Variants in CPSF4 observed in about 807,000 individuals in gnomAD.
CPSF4 encodes the protein cleavage and polyadenylation specific factor 4.
In CPSF4, 11 loss-of-function variants were observed where a neutral mutation model predicts 37.7. The observed-to-expected ratio is 0.29, with a 90% CI of 0.18 to 0.48. The LOEUF (loss-of-function observed/expected upper bound fraction) is 0.48, where lower values mean the gene tolerates loss of function less well. Among genes scored for constraint, CPSF4 ranks in the 20% least tolerant of loss-of-function variants. The pLI is 0.99. For missense variants in CPSF4, 144 were observed against 359.5 expected (o/e 0.40, Z 4.85); for synonymous variants, 132 against 135.9 (o/e 0.97, Z 0.20).
intron 1 of CPSF4, chr7:99,441,449 G>A (rs1327855852): frequency 2.2e-6 from 1 of 456,320 alleles, no homozygotes; most frequent in Non-Finnish European, 4.4e-6. Flanking sequence ...GGGCTTCAGA[G>A]TCGGTAGGCA....
At chr7:99,449,221 GCATCCCAT>G (rs1797769137) in intron 3 of CPSF4, 1 of 152,288 alleles carries the variant, frequency 6.6e-6, no homozygotes, top group Non-Finnish European at 1.5e-5. Context: ...AATTATTTCA[GCATCCCAT>G]CAGGCGTGGC....
At chr7:99,440,674 A>ATATATATATATATATATATATATATATT in intron 1 of CPSF4, among the ~76,000 whole-genome samples, 1 of 88,088 alleles carries the variant, frequency 1.1e-5, no homozygotes, top group African/African-American at 9.7e-5. Context: ...ATATATATAT[A>ATATATATATATATATATATATATATATT]TTTTTTTTTT....
At chr7:99,447,063 T>C (rs1191228250) in intron 2 of CPSF4, among the ~76,000 whole-genome samples, 2 of 151,652 alleles carry the variant, frequency 1.3e-5, no homozygotes, top group African/African-American at 4.9e-5. Context: ...ACTACTGCGA[T>C]TGCAGGTGTG....
In CPSF4 at chr7:99,448,410, C is replaced by G; in HGVS notation, c.307+137C>G. ...AGAGGAGAACTCTGGCAGAACCTGC[C>G]AGCCTCAGCCAGCTTTTAGGGGACA... On this transcript the variant is annotated intron_variant, in intron 3 of 7. Transcript: ENST00000292476. The surrounding 1 kb of genome is among the most constrained non-coding windows in gnomAD (Gnocchi z 4.4). 2 of 855,066 alleles carry G rather than the reference C, an allele frequency of 2.3e-6. No homozygotes were observed. Among genetic ancestry groups the G allele is most frequent in the Middle Eastern group, 3.5e-4 (1 of 2,886 alleles). The allele number at this position is 855,066 out of a possible 1,614,324, so 53.0% of individuals were successfully genotyped here. A position where few individuals can be genotyped will look rare whatever the true frequency, so the allele number is the denominator to read the frequency against.
At chr7:99,451,107 TAAG>T (rs1207598541) in intron 5 of CPSF4, 8 of 254,130 alleles carry the variant, frequency 3.1e-5, no homozygotes, top group Admixed American at 2.0e-4. Context: ...GACTTCCAGT[TAAG>T]AACCTGTGCC....
chr7:99,440,674 A>ATATATATATT lies in CPSF4; in HGVS notation c.103+1490_103+1491insATATATATTT. 1.7e-4 allele frequency among the ~76,000 whole-genome samples: 15 copies of ATATATATATT among 88,086 alleles called. 1 individual carries two copies. The highest frequency in any genetic ancestry group is 8.7e-4 in the African/African-American group (9 of 10,310). 57.8% of individuals were successfully genotyped at this position (88,086 alleles called of 152,430 possible). A position where few individuals can be genotyped will look rare whatever the true frequency, so the allele number is the denominator to read the frequency against. The stretch of plus-strand genomic sequence containing the variant: ...ACCTGGCATATATATATATATATAT[A>ATATATATATT]TTTTTTTTTTTTTTTTTTTCCTGCC... On this transcript the variant is annotated intron_variant, in intron 1 of 7. Coordinates refer to ENST00000292476, the MANE Select transcript of CPSF4 (RefSeq NM_006693.4).
intron 6 of CPSF4, 55 bp downstream of exon 6, chr7:99,452,495 C>A (rs902245190): frequency 2.0e-6 from 3 of 1,478,040 alleles, no homozygotes; most frequent in African/African-American, 2.8e-5. Flanking sequence ...ACAGCGAGAA[C>A]CTCAGTGTCC....
chr7:99,451,088 G>A, intron 5 of CPSF4: 1 of 297,316 alleles, frequency 3.4e-6, no homozygotes, highest in East Asian at 6.0e-5. Flanking sequence ...ATCATTTAGG[G>A]AATTTGGGGA....
intron 1 of CPSF4, chr7:99,439,476 C>G (rs1037472706): frequency 5.8e-6 from 2 of 342,256 alleles, no homozygotes; most frequent in African/African-American, 2.1e-5. Context: ...GGACGCTCCC[C>G]TTGGTTTCAG....
At chr7:99,456,314 C>A in intron 7 of CPSF4, 118 bp from the exon 8 acceptor site, 1 of 842,316 alleles carries the variant, frequency 1.2e-6, no homozygotes, top group Non-Finnish European at 2.0e-6. Flanking sequence ...AGAGTCATGT[C>A]CCGACTGGGG....
At chr7:99,439,467 G>A (rs1369309434) in intron 1 of CPSF4, 3 of 348,354 alleles carry the variant, frequency 8.6e-6, no homozygotes, top group African/African-American at 2.1e-5. Flanking sequence ...TGGATCCCGG[G>A]ACGCTCCCCT....
At chr7:99,441,690 A>ATT (rs34022779) in intron 1 of CPSF4, among the ~76,000 whole-genome samples, 5 of 150,786 alleles carry the variant, frequency 3.3e-5, no homozygotes, top group Admixed American at 2.0e-4. Flanking sequence ...TACTTTCAGA[A>ATT]TTTTTTTTTT....
At chr7:99,454,414 G>A (rs1450074415) in intron 7 of CPSF4, among the ~76,000 whole-genome samples, 2 of 152,140 alleles carry the variant, frequency 1.3e-5, no homozygotes, top group Non-Finnish European at 1.5e-5. Context: ...CAAGAGGCCG[G>A]GAACAAAATA....
Position 99,456,700 on chromosome 7 carries a change from G to T in CPSF4, c.*200G>T. The T allele has an allele frequency of 1.5e-6, 1 of 658,806 alleles. No individual in the cohort carries two copies. The highest frequency in any genetic ancestry group is 1.6e-5 in the South Asian group (1 of 62,840). 40.8% of individuals were successfully genotyped at this position (658,806 alleles called of 1,614,324 possible). On this transcript the variant is annotated 3_prime_UTR_variant, in exon 8 of 8. Transcript: ENST00000292476. ...TTTGAAAAAGGGACATGTGTCCTGT[G>T]GGTCCCTGCAGTCGACATCATGTTT...
intron 7 of CPSF4, 122 bp downstream of exon 7, chr7:99,454,258 C>A (rs1798141501): frequency 2.1e-6 from 2 of 930,924 alleles, no homozygotes; most frequent in South Asian, 1.7e-5. Context: ...TGATTGTAAG[C>A]ATAAAGTTAC....
chr7:99,441,690 A>AT (rs34022779), intron 1 of CPSF4, among the ~76,000 whole-genome samples: 27,252 of 150,708 alleles, frequency 0.18, 3,883 homozygotes, highest in African/African-American at 0.4. Flanking sequence ...TACTTTCAGA[A>AT]TTTTTTTTTT....
intron 7 of CPSF4, among the ~76,000 whole-genome samples, chr7:99,454,628 C>T (rs1051913982): frequency 6.6e-6 from 1 of 152,166 alleles, no homozygotes; most frequent in Non-Finnish European, 1.5e-5. Flanking sequence ...TCACTCCTGG[C>T]TCTGTGGGAA....
At chr7:99,441,554 G>A (rs1796985647) in intron 1 of CPSF4, 1 of 455,994 alleles carries the variant, frequency 2.2e-6, no homozygotes, top group Admixed American at 2.4e-5. Context: ...ATCCCCATCT[G>A]AGTTTTGGGA....
At chr7:99,450,171 C>T in intron 3 of CPSF4, 105 bp from the exon 4 acceptor site, 1 of 793,290 alleles carries the variant, frequency 1.3e-6, no homozygotes, top group Non-Finnish European at 2.2e-6. Context: ...GCTCTCAGGG[C>T]TCGTCAGGCC....
Sources: allele counts gnomAD v4.1 joint callset (sites outside exome capture counted in the v4.1 genomes callset), GRCh38; gene constraint gnomAD v4.1.1; non-coding constraint Gnocchi (gnomAD v3.1); transcripts MANE v1.5; gene names NCBI Gene and HGNC (gene_info 2026-07-23, HGNC 2026-07-21).